Variants in SLC38A11 observed in about 807,000 individuals in gnomAD.
SLC38A11 encodes the protein putative sodium-coupled neutral amino acid transporter 11.
In SLC38A11, 51 loss-of-function variants were observed where a neutral mutation model predicts 49.4. The observed-to-expected ratio is 1.03, with a 90% CI of 0.83 to 1.30. The LOEUF is 1.30. Among genes scored for constraint, SLC38A11 ranks in the 50% most tolerant of loss-of-function variants. The pLI, the probability that SLC38A11 is intolerant of heterozygous loss-of-function variation, is 0.00. For missense variants in SLC38A11, 574 were observed against 556.2 expected (o/e 1.03, Z -0.32); for synonymous variants, 203 against 192.9 (o/e 1.05, Z -0.43).
At position 164,898,691 on chromosome 2, in the gene SLC38A11, A is replaced by C. The variant is rs777366501; in HGVS notation, c.1135T>G (p.Ser379Ala). Residue 379 changes from serine to alanine, a missense_variant, in exon 12 of 12, where the codon TCA becomes GCA. Coordinates refer to ENST00000685975, the MANE Select transcript of SLC38A11 (RefSeq NM_001351537.2). ...TCAGACAGTTTCAGATAACAGGCTG[A>C]TGGAATGATAAAAATGAGGGGAGTT... ...CATPLIFIIP[S>A]ACYLKLSEEP... is the part of the protein sequence containing the mutation. 7 of 1,613,320 alleles carry C rather than the reference A, an allele frequency of 4.3e-6. No homozygotes were observed. Among genetic ancestry groups the C allele is most frequent in the African/African-American group, 4.0e-5 (3 of 74,898 alleles).
chr2:164,915,929 A>G lies in SLC38A11; in HGVS notation c.662T>C (p.Ile221Thr), dbSNP rs1479350493. ...AAAAGACATAACCCCGACCGCTTGA[A>G]TGGCATTGGGCTTTGCAAATACCCA... ...DAWVFAKPNA[I>T]QAVGVMSFAF... The change falls in exon 8 of 12, where the codon ATT (isoleucine) becomes ACT (threonine). Residue 221 changes from isoleucine (I) to threonine (T), a missense_variant. Transcript: ENST00000685975. 2.5e-6 allele frequency: 4 copies of G among 1,603,464 alleles called. No individual in the cohort carries two copies. The highest frequency in any genetic ancestry group is 3.3e-4 in the Middle Eastern group (2 of 6,008).
chr2:164,919,351 A>G (rs559578540), intron 7 of SLC38A11, among the ~76,000 whole-genome samples: 1 of 152,296 alleles, frequency 6.6e-6, no homozygotes, highest in East Asian at 1.9e-4. Context: ...AATAAAATAA[A>G]TAAAATATTG....
chr2:164,911,328 T>TGTCGCAAAAAAACTTTA (rs1162944162), intron 10 of SLC38A11, among the ~76,000 whole-genome samples: 6 of 152,246 alleles, frequency 3.9e-5, no homozygotes, highest in Admixed American at 3.9e-4. Context: ...AACTTTAGTT[T>TGTCGCAAAAAAACTTTA]GGCTGTCGCA....
chr2:164,950,445 G>A (rs1688444930), intron 3 of SLC38A11, among the ~76,000 whole-genome samples: 1 of 152,094 alleles, frequency 6.6e-6, no homozygotes, highest in Non-Finnish European at 1.5e-5. Flanking sequence ...AATAATAAAT[G>A]TAAATGCTTT....
chr2:164,942,495 A>C lies in SLC38A11; in HGVS notation c.430+2074T>G, dbSNP rs1489950743. On this transcript the variant is annotated intron_variant, in intron 5 of 11. Coordinates refer to ENST00000685975, the MANE Select transcript of SLC38A11 (RefSeq NM_001351537.2). ...AAGGAAAGAAAAACCCTTAAGAAAA[A>C]CCTTGAAAAATAACAAAGAAAACCC... is the stretch of plus-strand genomic sequence containing the variant. Among the ~76,000 whole-genome samples the C allele has an allele frequency of 2.0e-5, 3 of 151,798 alleles. 1 individual carries two copies. The South Asian group carries it at 6.2e-4, about 32-fold the overall frequency.
chr2:164,908,144 G>T (rs1395013329), intron 11 of SLC38A11: 1 of 151,972 alleles, frequency 6.6e-6, no homozygotes, highest in Admixed American at 6.6e-5. Context: ...GCAAGTGAAT[G>T]GATATAACTT....
intron 3 of SLC38A11, among the ~76,000 whole-genome samples, chr2:164,949,729 A>C (rs1325549076): frequency 6.6e-6 from 1 of 152,234 alleles, no homozygotes; most frequent in African/African-American, 2.4e-5. Flanking sequence ...AGGCAGGAGG[A>C]CTATCAATGG....
intron 5 of SLC38A11, among the ~76,000 whole-genome samples, chr2:164,940,383 C>A (rs1304988247): frequency 6.6e-6 from 1 of 150,772 alleles, no homozygotes; most frequent in African/African-American, 2.4e-5. Context: ...ATTTAAGGAG[C>A]TATATATCTA....
chr2:164,914,739 AG>A (rs1317986806), intron 9 of SLC38A11, among the ~76,000 whole-genome samples: 1 of 152,038 alleles, frequency 6.6e-6, no homozygotes, highest in East Asian at 1.9e-4. Flanking sequence ...ATTTGAGCAA[AG>A]AAAGGAAGTT....
intron 3 of SLC38A11, among the ~76,000 whole-genome samples, chr2:164,951,211 T>A (rs1688501088): frequency 6.6e-6 from 1 of 151,826 alleles, no homozygotes; most frequent in Non-Finnish European, 1.5e-5. Context: ...TGCATACTTT[T>A]AAATGTTTTC....
At chr2:164,932,638 AAAAGT>A (rs1320891460) in intron 7 of SLC38A11, among the ~76,000 whole-genome samples, 1 of 152,180 alleles carries the variant, frequency 6.6e-6, no homozygotes, top group African/African-American at 2.4e-5. Context: ...GCAGGAAAAG[AAAAGT>A]AAAGAACACA....
chr2:164,930,058 G>A (rs565367838), intron 7 of SLC38A11, among the ~76,000 whole-genome samples: 6 of 151,620 alleles, frequency 4.0e-5, no homozygotes, highest in South Asian at 2.1e-4. Flanking sequence ...AATTAAAAAC[G>A]ACAAGGGGAA....
intron 11 of SLC38A11, among the ~76,000 whole-genome samples, chr2:164,904,647 T>G (rs6719492): frequency 0.63 from 95,915 of 151,898 alleles, 30,406 homozygotes; most frequent in Admixed American, 0.68. Flanking sequence ...CATTTCTAAA[T>G]TACTACAATT....
At chr2:164,922,130 C>T (rs772819709) in intron 7 of SLC38A11, 17 of 152,276 alleles carry the variant, frequency 1.1e-4, no homozygotes, top group Admixed American at 2.6e-4. Context: ...AAAGGGAGCT[C>T]CAGTCTCTAT....
chr2:164,923,576 A>G (rs1686357850), intron 7 of SLC38A11, among the ~76,000 whole-genome samples: 1 of 152,066 alleles, frequency 6.6e-6, no homozygotes, highest in South Asian at 2.1e-4. Flanking sequence ...AAAACAAACA[A>G]CAAACAAAAA....
chr2:164,920,343 T>G (rs1457500537), intron 7 of SLC38A11, among the ~76,000 whole-genome samples: 1 of 152,002 alleles, frequency 6.6e-6, no homozygotes, highest in African/African-American at 2.4e-5. Flanking sequence ...AAAATATATT[T>G]TAAATAAAAT....
At chr2:164,942,159 A>G (rs1687814472) in intron 5 of SLC38A11, among the ~76,000 whole-genome samples, 2 of 152,092 alleles carry the variant, frequency 1.3e-5, no homozygotes, top group African/African-American at 4.8e-5. Flanking sequence ...CTTTTGAAAA[A>G]CCTTGGAGGC....
chr2:164,943,966 C>T (rs919167597), intron 5 of SLC38A11, among the ~76,000 whole-genome samples: 6 of 152,262 alleles, frequency 3.9e-5, no homozygotes, highest in African/African-American at 1.4e-4. Flanking sequence ...AAGTGATCCT[C>T]CCACCTCAGC....
At chr2:164,909,091 G>A (rs576226235) in intron 10 of SLC38A11, among the ~76,000 whole-genome samples, 1 of 152,168 alleles carries the variant, frequency 6.6e-6, no homozygotes, top group East Asian at 1.9e-4. Context: ...TCTTTCTTGA[G>A]TCCAATAGGT....
Sources: gnomAD v4.1 joint callset for allele counts (sites outside exome capture counted in the v4.1 genomes callset) on GRCh38, gnomAD v4.1.1 for gene constraint, MANE v1.5 for transcripts, NCBI Gene and HGNC (gene_info 2026-07-23, HGNC 2026-07-21) for gene names.